NOL10: variants seen among roughly 807,000 people sequenced by gnomAD.
NOL10 encodes nucleolar protein 10.
NOL10 carries 58 observed loss-of-function variants against 103.5 expected under a neutral mutation model. That is an observed-to-expected ratio of 0.56 (90% CI 0.45 to 0.70). The LOEUF (loss-of-function observed/expected upper bound fraction) is 0.70, where lower values mean the gene tolerates loss of function less well. Among genes scored for constraint, NOL10 ranks in the 30% least tolerant of loss-of-function variants. The probability of loss-of-function intolerance (pLI) is 0.00; values close to 1 mark genes in which losing one functional copy is unlikely to be tolerated. For missense variants in NOL10, 763 were observed against 807.3 expected (o/e 0.95, Z 0.67); for synonymous variants, 287 against 282.5 (o/e 1.02, Z -0.16).
At chr2:10,599,249 A>G (rs1675851510) in intron 17 of NOL10, among the ~76,000 whole-genome samples, 1 of 152,246 alleles carries the variant, frequency 6.6e-6, no homozygotes, top group South Asian at 2.1e-4. Context: ...AGGAATGCAA[A>G]CATCTACAGT....
chr2:10,672,276 G>A (rs542195819), intron 5 of NOL10, among the ~76,000 whole-genome samples: 5 of 152,254 alleles, frequency 3.3e-5, no homozygotes, highest in African/African-American at 1.2e-4. Flanking sequence ...GCAGTGAGCC[G>A]AGATTGTGCC....
At chr2:10,612,767 G>C (rs1253208299) in intron 13 of NOL10, among the ~76,000 whole-genome samples, 1 of 152,136 alleles carries the variant, frequency 6.6e-6, no homozygotes, top group Non-Finnish European at 1.5e-5. Context: ...GCCTCCCAAA[G>C]TGCTGGAATT....
In NOL10 at chr2:10,670,581, A is replaced by C. The variant is rs183360367; in HGVS notation, c.464+973T>G. Among the ~76,000 whole-genome samples, 1,009 of 152,204 alleles carry C rather than the reference A, an allele frequency of 6.6e-3. 14 individuals carry two copies. The highest frequency in any genetic ancestry group is 0.023 in the African/African-American group (967 of 41,508). ...GAAACATCGCCTCTACTAAAAATAC[A>C]AAAATTAGCTGGGCATGGTGGCAGG... is the stretch of plus-strand genomic sequence containing the variant. On this transcript the variant is annotated intron_variant, in intron 6 of 20. Coordinates refer to ENST00000381685, the MANE Select transcript of NOL10 (RefSeq NM_024894.4).
rs1558270811 is a variant in NOL10, at chr2:10,587,230, T to TAC, written c.1844+1812_1844+1813insGT. 4.5e-4 allele frequency among the ~76,000 whole-genome samples: 17 copies of TAC among 37,418 alleles called. 4 individuals are homozygous for TAC. The highest frequency in any genetic ancestry group is 8.2e-4 in the East Asian group (1 of 1,226). The allele number at this position is 37,418 out of a possible 152,430, so 24.5% of individuals were successfully genotyped here. A position where few individuals can be genotyped will look rare whatever the true frequency, so the allele number is the denominator to read the frequency against. On this transcript the variant is annotated intron_variant, in intron 19 of 20. Transcript: ENST00000381685. ...ACATATATATATACATATATATACA[T>TAC]ATATATATACATACATATATATATA...
At chr2:10,586,296 T>C (rs112179622) in intron 19 of NOL10, among the ~76,000 whole-genome samples, 1,695 of 151,216 alleles carry the variant, frequency 0.011, 65 homozygotes, top group African/African-American at 0.039. Context: ...GTGAACTGCA[T>C]GCTTTAAGCA....
chr2:10,611,371 C>T (rs571739441), intron 13 of NOL10, among the ~76,000 whole-genome samples: 1 of 152,296 alleles, frequency 6.6e-6, no homozygotes, highest in South Asian at 2.1e-4. Context: ...ATGCCATGTG[C>T]CCAAGATGAT....
At chr2:10,619,054 G>A (rs1676986096) in intron 13 of NOL10, among the ~76,000 whole-genome samples, 1 of 152,222 alleles carries the variant, frequency 6.6e-6, no homozygotes, top group Non-Finnish European at 1.5e-5. Context: ...GAACATGCAA[G>A]CTTGGTGAAA....
At chr2:10,607,618 C>T (rs955037309) in intron 13 of NOL10, among the ~76,000 whole-genome samples, 1 of 151,856 alleles carries the variant, frequency 6.6e-6, no homozygotes, top group Admixed American at 6.6e-5. Context: ...TAATAACATC[C>T]ATCCATTCAT....
In NOL10 at chr2:10,632,914, C is replaced by T. The variant is rs942802283; in HGVS notation, c.1026+11406G>A. ...AAACTCCTGGGCTCAAGTGATCCTT[C>T]GGCCTTAGCCTCCTAAAGTGCTGGG... is the stretch of plus-strand genomic sequence containing the variant. On this transcript the variant is annotated intron_variant, in intron 13 of 20. Transcript: ENST00000381685. 5.9e-5 allele frequency among the ~76,000 whole-genome samples: 9 copies of T among 152,270 alleles called. No homozygotes were observed. The South Asian group carries it at 8.3e-4, about 14-fold the overall frequency.
Position 10,673,510 on chromosome 2 carries a change from T to C in NOL10, c.327+10A>G. On this transcript the variant is annotated intron_variant, in intron 5 of 20. Coordinates refer to ENST00000381685, the MANE Select transcript of NOL10 (RefSeq NM_024894.4). ...GTCTAGTCAGTACAAACCAATGCTA[T>C]AAAACATACCTTTGAGTAGTCATCA... 2 of 1,588,522 alleles carry C rather than the reference T, an allele frequency of 1.3e-6. No homozygotes were observed. Among genetic ancestry groups the C allele is most frequent in the Non-Finnish European group, 1.7e-6 (2 of 1,164,692 alleles).
intron 13 of NOL10, among the ~76,000 whole-genome samples, chr2:10,622,590 C>T (rs962366789): frequency 4.6e-5 from 7 of 151,982 alleles, no homozygotes; most frequent in African/African-American, 1.7e-4. Flanking sequence ...AAACTGAAAC[C>T]TCAATTATTT....
intron 13 of NOL10, among the ~76,000 whole-genome samples, chr2:10,626,374 T>C (rs536214065): frequency 6.6e-6 from 1 of 152,210 alleles, no homozygotes; most frequent in Non-Finnish European, 1.5e-5. Context: ...AAGAGAAACT[T>C]ACGTTGGGAT....
At chr2:10,624,688 G>T (rs940522998) in intron 13 of NOL10, among the ~76,000 whole-genome samples, 1 of 151,860 alleles carries the variant, frequency 6.6e-6, no homozygotes, top group African/African-American at 2.4e-5. Context: ...ATACAAAAAG[G>T]TATGGGCACT....
intron 1 of NOL10, among the ~76,000 whole-genome samples, chr2:10,688,547 C>T (rs527329415): frequency 2.0e-5 from 3 of 152,362 alleles, no homozygotes; most frequent in African/African-American, 7.2e-5. Context: ...CATATGTCAC[C>T]TCTTGTAGAG....
chr2:10,602,945 G>T (rs1007810260), intron 15 of NOL10, 71 bp from the exon 16 acceptor site: 2 of 1,267,814 alleles, frequency 1.6e-6, no homozygotes, highest in Non-Finnish European at 2.3e-6. Context: ...TATACACCAC[G>T]ACAGTTATGC....
At chr2:10,594,900 G>C (rs1675586650) in intron 17 of NOL10, among the ~76,000 whole-genome samples, 2 of 152,100 alleles carry the variant, frequency 1.3e-5, no homozygotes, top group Non-Finnish European at 2.9e-5. Flanking sequence ...GAGAGGCTGA[G>C]GTGAGAGGAT....
At chr2:10,684,818 A>G (rs952603106) in intron 1 of NOL10, among the ~76,000 whole-genome samples, 1 of 152,172 alleles carries the variant, frequency 6.6e-6, no homozygotes, top group African/African-American at 2.4e-5. Context: ...ACTTACATAC[A>G]TTAGATAATT....
chr2:10,658,727 T>C (rs1211779704), intron 10 of NOL10, among the ~76,000 whole-genome samples: 2 of 152,192 alleles, frequency 1.3e-5, no homozygotes, highest in Admixed American at 6.5e-5. Flanking sequence ...CAAGACTGTC[T>C]GACCACAGAA....
intron 16 of NOL10, among the ~76,000 whole-genome samples, chr2:10,601,899 G>C (rs907468340): frequency 2.0e-5 from 3 of 152,238 alleles, no homozygotes; most frequent in African/African-American, 7.2e-5. Flanking sequence ...CTTTTATAGT[G>C]ACAGAGTATG....
Sources: allele counts gnomAD v4.1 joint callset (sites outside exome capture counted in the v4.1 genomes callset), GRCh38; gene constraint gnomAD v4.1.1; transcripts MANE v1.5; gene names NCBI Gene and HGNC (gene_info 2026-07-23, HGNC 2026-07-21).